Variants in ARHGAP21 observed in about 807,000 individuals in gnomAD.
ARHGAP21 encodes the protein Rho GTPase activating protein 21.
A neutral mutation model predicts 164.6 loss-of-function variants in ARHGAP21; 38 were observed. The observed-to-expected ratio is 0.23, with a 90% CI of 0.18 to 0.30. ARHGAP21 has a LOEUF of 0.30. Ranked by LOEUF, ARHGAP21 falls within the 10% of genes least tolerant of loss-of-function variation. The pLI, the probability that ARHGAP21 is intolerant of heterozygous loss-of-function variation, is 1.00. For synonymous variants in ARHGAP21, 766 were observed against 857.9 expected (o/e 0.89, Z 1.87); for missense variants, 1,822 against 2,370.7 (o/e 0.77, Z 4.81).
chr10:24,633,502 C>A, intron 5 of ARHGAP21, 22 bp from the exon 6 acceptor site: 1 of 1,544,958 alleles, frequency 6.5e-7, no homozygotes, highest in South Asian at 1.1e-5. Context: ...AGTTAAAAAA[C>A]AAATGAGAGA....
At chr10:24,605,572 C>T (rs11014173) in intron 11 of ARHGAP21, among the ~76,000 whole-genome samples, 1 of 152,278 alleles carries the variant, frequency 6.6e-6, no homozygotes, top group African/African-American at 2.4e-5. Flanking sequence ...CAAGTAGCTG[C>T]TCCAGAAAGA....
chr10:24,697,498 G>C (rs1456021225), intron 2 of ARHGAP21, among the ~76,000 whole-genome samples: 1 of 151,856 alleles, frequency 6.6e-6, no homozygotes, highest in Non-Finnish European at 1.5e-5. Flanking sequence ...CCCTAAATGA[G>C]CCATCAATTT....
intron 5 of ARHGAP21, among the ~76,000 whole-genome samples, 185 bp from the exon 6 acceptor site, chr10:24,633,665 A>G (rs990503224): frequency 2.6e-5 from 4 of 152,040 alleles, no homozygotes; most frequent in Non-Finnish European, 5.9e-5. Context: ...ATCCTAGCTT[A>G]TTACTTTTAA....
intron 9 of ARHGAP21, among the ~76,000 whole-genome samples, chr10:24,609,845 A>G (rs1290298244): frequency 6.6e-6 from 1 of 152,250 alleles, no homozygotes; most frequent in Non-Finnish European, 1.5e-5. Flanking sequence ...AAAATTTTTC[A>G]TCTCATATAC....
At chr10:24,586,175 G>A (rs933115240) in intron 25 of ARHGAP21, 69 bp from the exon 26 acceptor site, 14 of 1,459,922 alleles carry the variant, frequency 9.6e-6, no homozygotes, top group African/African-American at 4.3e-5. Flanking sequence ...TGACAAGCTT[G>A]TCTCCCAAAT....
At chr10:24,697,678 G>A (rs1047848084) in intron 2 of ARHGAP21, among the ~76,000 whole-genome samples, 2 of 152,046 alleles carry the variant, frequency 1.3e-5, no homozygotes, top group African/African-American at 2.4e-5. Flanking sequence ...CCAACACGGT[G>A]AAACCCCGTC....
rs370098980 is a variant in ARHGAP21, at chr10:24,622,728, C to A, written c.525+5G>T. 1 of 1,610,400 alleles carries A rather than the reference C, an allele frequency of 6.2e-7. No homozygotes were observed. Among genetic ancestry groups the A allele is most frequent in the African/African-American group, 1.3e-5 (1 of 74,702 alleles). On this transcript the variant is annotated splice_donor_5th_base_variant and intron_variant, in intron 8 of 25. Transcript: ENST00000396432. ...GCAAGGAAATGGCTACTGTGCATTT[C>A]TTACCAGTGCTGTGACATCCTTTGT... is the stretch of plus-strand genomic sequence containing the variant.
intron 4 of ARHGAP21, among the ~76,000 whole-genome samples, chr10:24,651,592 C>G (rs1366410864): frequency 6.6e-6 from 1 of 152,154 alleles, no homozygotes; most frequent in Non-Finnish European, 1.5e-5. Context: ...AAACAGAAAA[C>G]CAAATCTGGT....
chr10:24,598,005 G>T lies in ARHGAP21; in HGVS notation c.3137C>A (p.Thr1046Asn), dbSNP rs778984344. Residue 1046 changes from threonine (T) to asparagine (N), a missense_variant, in exon 15 of 26, where the codon ACT (threonine) becomes AAT (asparagine). Transcript: ENST00000396432. ...QESSNLNEED[T>N]GVTNRDLISR... is the part of the protein sequence containing the mutation. ...AATTAGATCCCTGTTAGTGACTCCA[G>T]TGTCCTACAGAATAAAGTAAAATTA... 1.2e-6 allele frequency: 2 copies of T among 1,609,290 alleles called. No homozygotes were observed. The highest frequency in any genetic ancestry group is 1.7e-5 in the Admixed American group (1 of 59,392).
intron 2 of ARHGAP21, among the ~76,000 whole-genome samples, chr10:24,688,075 A>C (rs1363727721): frequency 2.0e-5 from 3 of 152,250 alleles, no homozygotes; most frequent in Non-Finnish European, 2.9e-5. Context: ...TTATAGCTAG[A>C]AGGAAAGTCA....
rs1029025113 is a variant in ARHGAP21 at position 24,599,475 on chromosome 10, C to G, written c.3132+1171G>C. On this transcript the variant is annotated intron_variant, in intron 14 of 25. Coordinates refer to ENST00000396432, the MANE Select transcript of ARHGAP21 (RefSeq NM_020824.4). ...AAACTACCAAAGGAAAAAAAGCACA[C>G]TTTTCCTATGGTGTAACGTTTTAAT... Among the ~76,000 whole-genome samples the G allele has an allele frequency of 2.6e-5, 4 of 152,198 alleles. No homozygotes were observed. The East Asian group carries it at 7.7e-4, about 29-fold the overall frequency.
rs1394443975 is a variant in ARHGAP21, at chr10:24,658,056, A to T, written c.268+8929T>A. On this transcript the variant is annotated intron_variant, in intron 4 of 25. Transcript: ENST00000396432. ...ACCCAAGAATTATCAATAAAAAAAT[A>T]AATTAAAAAAAAAAAAATGCTCATC... Among the ~76,000 whole-genome samples, 5 of 2,464 alleles carry T rather than the reference A, an allele frequency of 2.0e-3. No homozygotes were observed. The Admixed American group carries it at 0.021, about 10-fold the overall frequency. The allele number at this position is 2,464 out of a possible 152,430, so 1.6% of individuals were successfully genotyped here. A position where few individuals can be genotyped will look rare whatever the true frequency, so the allele number is the denominator to read the frequency against.
At chr10:24,590,516 A>G in intron 24 of ARHGAP21, 4 of 1,530,990 alleles carry the variant, frequency 2.6e-6, no homozygotes, top group Non-Finnish European at 3.5e-6. Context: ...TGTGTCAGTA[A>G]GAGCTGAAAA....
At position 24,607,962 on chromosome 10, in the gene ARHGAP21, C is replaced by T. The variant is rs902071107; in HGVS notation, c.2423-59G>A. ...GACCTAATTGTTATTAATAATAAAA[C>T]TCAGTCAATAATCATTATTAAGGGG... is the stretch of plus-strand genomic sequence containing the variant. On this transcript the variant is annotated intron_variant, in intron 9 of 25. Coordinates refer to ENST00000396432, the MANE Select transcript of ARHGAP21 (RefSeq NM_020824.4). 5.4e-6 allele frequency: 8 copies of T among 1,476,622 alleles called. No homozygotes were observed. In the African/African-American group the frequency reaches 7.0e-5, roughly 13 times the overall value. 91.5% of individuals were successfully genotyped at this position (1,476,622 alleles called of 1,614,324 possible). A position where few individuals can be genotyped will look rare whatever the true frequency, so the allele number is the denominator to read the frequency against.
At chr10:24,656,370 G>A (rs1167364282) in intron 4 of ARHGAP21, among the ~76,000 whole-genome samples, 102 of 91,674 alleles carry the variant, frequency 1.1e-3, no homozygotes, top group East Asian at 1.9e-3. Context: ...CCGGCCAGCC[G>A]CCCCGTCCGG....
At chr10:24,593,493 T>TATA (rs2076429569) in intron 21 of ARHGAP21, among the ~76,000 whole-genome samples, 1 of 152,080 alleles carries the variant, frequency 6.6e-6, no homozygotes, top group Non-Finnish European at 1.5e-5. Flanking sequence ...GTATACACCG[T>TATA]AATATTTTAT....
intron 9 of ARHGAP21, 56 bp from the exon 10 acceptor site, chr10:24,607,959 A>T: frequency 6.7e-7 from 1 of 1,485,808 alleles, no homozygotes; most frequent in African/African-American, 1.4e-5. Context: ...ATTAATAATA[A>T]AACTCAGTCA....
chr10:24,647,107 A>T (rs183336494), intron 4 of ARHGAP21, among the ~76,000 whole-genome samples: 14 of 152,272 alleles, frequency 9.2e-5, no homozygotes, highest in Admixed American at 7.2e-4. Context: ...AGATTTTTTA[A>T]ATTTCATTTA....
At chr10:24,623,886 C>G (rs1834824859) in intron 7 of ARHGAP21, among the ~76,000 whole-genome samples, 1 of 152,114 alleles carries the variant, frequency 6.6e-6, no homozygotes, top group African/African-American at 2.4e-5. Context: ...TTGGGTAATG[C>G]TATTCTAGAA....
Sources: gnomAD v4.1 joint callset for allele counts (sites outside exome capture counted in the v4.1 genomes callset) on GRCh38, gnomAD v4.1.1 for gene constraint, MANE v1.5 for transcripts, NCBI Gene and HGNC (gene_info 2026-07-23, HGNC 2026-07-21) for gene names.